ROBO2: variants seen among roughly 807,000 people sequenced by gnomAD.
ROBO2 encodes the protein roundabout guidance receptor 2.
A neutral mutation model predicts 160.8 loss-of-function variants in ROBO2; 53 were observed. The observed-to-expected ratio is 0.33, with a 90% CI of 0.26 to 0.41. The LOEUF is 0.41. Among genes scored for constraint, ROBO2 ranks in the 10% least tolerant of loss-of-function variants. ROBO2 has a pLI of 1.00. For synonymous variants in ROBO2, 664 were observed against 611.7 expected (o/e 1.09, Z -1.26); for missense variants, 1,577 against 1,722.4 (o/e 0.92, Z 1.49).
intron 2 of ROBO2, among the ~76,000 whole-genome samples, chr3:76,560,175 A>G (rs1373096619): frequency 1.3e-5 from 2 of 152,084 alleles, no homozygotes; most frequent in Admixed American, 6.6e-5. Context: ...CAACACACCT[A>G]TGCCAGTTGA....
chr3:76,575,767 G>T (rs1004991703), intron 2 of ROBO2, among the ~76,000 whole-genome samples: 1 of 151,954 alleles, frequency 6.6e-6, no homozygotes, highest in South Asian at 2.1e-4. Context: ...ATTTTAACCT[G>T]CAAAATGTCA....
intron 2 of ROBO2, among the ~76,000 whole-genome samples, chr3:77,286,250 A>G (rs1042832611): frequency 7.0e-6 from 1 of 142,586 alleles, no homozygotes; most frequent in Non-Finnish European, 1.5e-5. Flanking sequence ...ACACAAAATT[A>G]TGGAGCTTTT....
intron 1 of ROBO2, among the ~76,000 whole-genome samples, chr3:77,079,506 T>G (rs1440925410): frequency 3.3e-5 from 5 of 152,140 alleles, no homozygotes; most frequent in Non-Finnish European, 5.9e-5. Flanking sequence ...ACTTCGAATT[T>G]GAGAAAAACC....
intron 4 of ROBO2, among the ~76,000 whole-genome samples, chr3:77,488,003 C>A (rs1182576336): frequency 6.6e-6 from 1 of 152,112 alleles, no homozygotes; most frequent in Admixed American, 6.5e-5. Context: ...AGATACTATG[C>A]AACCACATTT....
chr3:76,194,344 T>G (rs1702143863), intron 2 of ROBO2, among the ~76,000 whole-genome samples: 1 of 68,864 alleles, frequency 1.5e-5, no homozygotes, highest in African/African-American at 5.4e-5. Flanking sequence ...TAAATATGTA[T>G]GGTGTGTAAA....
chr3:77,640,096 C>CTTTTTT (rs1559785171), intron 24 of ROBO2, among the ~76,000 whole-genome samples: 15 of 97,462 alleles, frequency 1.5e-4, no homozygotes, highest in Non-Finnish European at 2.0e-4. Flanking sequence ...GCAGAGGAAG[C>CTTTTTT]ATTTTTTTTT....
chr3:76,146,079 T>G (rs999105006), intron 2 of ROBO2, among the ~76,000 whole-genome samples: 2 of 151,950 alleles, frequency 1.3e-5, no homozygotes, highest in Non-Finnish European at 2.9e-5. Flanking sequence ...ATTAATCGCT[T>G]ACATTTACAC....
chr3:76,733,542 T>C (rs2093666917), intron 2 of ROBO2, among the ~76,000 whole-genome samples: 1 of 152,268 alleles, frequency 6.6e-6, no homozygotes, highest in Non-Finnish European at 1.5e-5. Context: ...GCAGTTTACA[T>C]AAACTAAATC....
intron 2 of ROBO2, among the ~76,000 whole-genome samples, chr3:77,392,275 A>G (rs1233707743): frequency 6.6e-6 from 1 of 152,200 alleles, no homozygotes; most frequent in Non-Finnish European, 1.5e-5. Flanking sequence ...CTGTCAGAAG[A>G]GCTTTAATGT....
At chr3:77,431,764 A>G (rs1309287643) in intron 2 of ROBO2, among the ~76,000 whole-genome samples, 1 of 152,186 alleles carries the variant, frequency 6.6e-6, no homozygotes, top group Non-Finnish European at 1.5e-5. Context: ...ACCACTTTCT[A>G]GAGAAAGTGT....
At chr3:76,438,372 G>A (rs181791755) in intron 2 of ROBO2, among the ~76,000 whole-genome samples, 4 of 150,584 alleles carry the variant, frequency 2.7e-5, no homozygotes, top group Admixed American at 2.6e-4. Flanking sequence ...AACCTAACTT[G>A]GGGCCACTTT....
chr3:76,331,741 G>A (rs2073502846), intron 2 of ROBO2, among the ~76,000 whole-genome samples: 1 of 150,302 alleles, frequency 6.7e-6, no homozygotes, highest in African/African-American at 2.5e-5. Context: ...CAGGCCTGGA[G>A]TTCACGATCT....
intron 2 of ROBO2, among the ~76,000 whole-genome samples, chr3:77,104,078 TA>T (rs1191056105): frequency 1.3e-5 from 2 of 152,140 alleles, no homozygotes; most frequent in Non-Finnish European, 2.9e-5. Flanking sequence ...TAACATACCA[TA>T]TCATTTACTC....
chr3:76,813,146 C>T (rs1391001001), intron 2 of ROBO2, among the ~76,000 whole-genome samples: 2 of 151,970 alleles, frequency 1.3e-5, no homozygotes, highest in African/African-American at 4.8e-5. Flanking sequence ...TCATTAAGAA[C>T]ATTCTGCCTG....
At chr3:76,480,576 G>A (rs889348690) in intron 2 of ROBO2, among the ~76,000 whole-genome samples, 1 of 152,240 alleles carries the variant, frequency 6.6e-6, no homozygotes, top group Admixed American at 6.5e-5. Flanking sequence ...CCAAGATCAA[G>A]GCAGTGATAG....
chr3:76,194,353 A>ATATAT (rs1553672736), intron 2 of ROBO2, among the ~76,000 whole-genome samples: 19,023 of 93,460 alleles, frequency 0.2, 3,424 homozygotes, highest in Non-Finnish European at 0.26. Flanking sequence ...ATGGTGTGTA[A>ATATAT]ATATATATAT....
intron 2 of ROBO2, among the ~76,000 whole-genome samples, chr3:77,396,646 G>A (rs1183235100): frequency 1.3e-5 from 2 of 152,116 alleles, no homozygotes; most frequent in East Asian, 3.9e-4. Context: ...CATCATATTA[G>A]ACCCTGTCAT....
chr3:76,978,462 G>C (rs991547821), intron 2 of ROBO2, among the ~76,000 whole-genome samples: 1 of 152,086 alleles, frequency 6.6e-6, no homozygotes, highest in Non-Finnish European at 1.5e-5. Context: ...GAATATATTT[G>C]AGTGTCTTTT....
chr3:77,159,899 C>G (rs1401742340), intron 2 of ROBO2, among the ~76,000 whole-genome samples: 1 of 152,106 alleles, frequency 6.6e-6, no homozygotes. Context: ...GAAGTTTCTT[C>G]AGCAATGGGA....
Sources: gnomAD v4.1 joint callset for allele counts (sites outside exome capture counted in the v4.1 genomes callset) on GRCh38, gnomAD v4.1.1 for gene constraint, MANE v1.5 for transcripts, NCBI Gene and HGNC (gene_info 2026-07-23, HGNC 2026-07-21) for gene names.